Variants in NELL2 observed in about 807,000 individuals in gnomAD.
The protein encoded by NELL2 is protein kinase C-binding protein NELL2.
NELL2 carries 41 observed loss-of-function variants against 109.6 expected under a neutral mutation model. The observed-to-expected ratio is 0.37, with a 90% CI of 0.29 to 0.49. NELL2 has a LOEUF of 0.49. Ranked by LOEUF, NELL2 falls within the 20% of genes least tolerant of loss-of-function variation. The pLI is 0.98. For missense variants in NELL2, 900 were observed against 1,008.3 expected (o/e 0.89, Z 1.45); for synonymous variants, 355 against 344.7 (o/e 1.03, Z -0.33).
chr12:44,637,244 C>G (rs1946672566), intron 13 of NELL2, among the ~76,000 whole-genome samples: 1 of 151,412 alleles, frequency 6.6e-6, no homozygotes, highest in Non-Finnish European at 1.5e-5. Flanking sequence ...GTCTGTATCT[C>G]CTTCAGTTCA....
At chr12:44,756,321 TTC>T (rs961593533) in intron 9 of NELL2, among the ~76,000 whole-genome samples, 38 of 152,054 alleles carry the variant, frequency 2.5e-4, no homozygotes, top group African/African-American at 7.7e-4. Context: ...ATCTCTCATT[TTC>T]TCTCTCTTTT....
chr12:44,822,537 C>A (rs1329486792), intron 2 of NELL2, among the ~76,000 whole-genome samples: 1 of 152,146 alleles, frequency 6.6e-6, no homozygotes, highest in African/African-American at 2.4e-5. Flanking sequence ...GAAGCAGGGA[C>A]AAAGATCATT....
At chr12:44,910,027 A>G (rs766765423) in intron 1 of NELL2, among the ~76,000 whole-genome samples, 3 of 152,022 alleles carry the variant, frequency 2.0e-5, no homozygotes, top group Non-Finnish European at 4.4e-5. Flanking sequence ...AACTATAAGA[A>G]TCCTAGAAGA....
At chr12:44,876,631 G>GA, upstream of NELL2, 1 of 1,551,272 alleles carries the variant, frequency 6.4e-7, no homozygotes, top group South Asian at 1.2e-5. Flanking sequence ...CGCGTGTCTT[G>GA]AAAGACAGGA....
intron 13 of NELL2, among the ~76,000 whole-genome samples, chr12:44,644,613 T>A: frequency 1.1e-5 from 1 of 95,098 alleles, no homozygotes; most frequent in Non-Finnish European, 2.1e-5. Flanking sequence ...TGTATGTATA[T>A]ATATATATAT....
At chr12:44,768,109 G>A (rs1232535508) in intron 9 of NELL2, among the ~76,000 whole-genome samples, 1 of 152,088 alleles carries the variant, frequency 6.6e-6, no homozygotes. Context: ...GCTCTGCTAT[G>A]AGCTGACTAA....
At chr12:44,678,279 A>G (rs1948382677) in intron 12 of NELL2, among the ~76,000 whole-genome samples, 1 of 152,082 alleles carries the variant, frequency 6.6e-6, no homozygotes, top group Non-Finnish European at 1.5e-5. Flanking sequence ...GGAAACTCAA[A>G]TTTTCAGTGT....
At chr12:44,746,497 C>T (rs143705901) in intron 9 of NELL2, among the ~76,000 whole-genome samples, 21,823 of 152,148 alleles carry the variant, frequency 0.14, 1,696 homozygotes, top group East Asian at 0.24. Context: ...AAACTACCAT[C>T]AGAGTGAACA....
At chr12:44,631,665 A>G (rs1946461388) in intron 13 of NELL2, among the ~76,000 whole-genome samples, 1 of 152,060 alleles carries the variant, frequency 6.6e-6, no homozygotes, top group African/African-American at 2.4e-5. Flanking sequence ...CCTATTTTGT[A>G]CCCCATGAAT....
chr12:44,659,951 T>C (rs1947679161), intron 13 of NELL2, among the ~76,000 whole-genome samples: 1 of 152,198 alleles, frequency 6.6e-6, no homozygotes, highest in East Asian at 1.9e-4. Context: ...ATAGTGTAAT[T>C]TGAGGGGCCC....
intron 15 of NELL2, among the ~76,000 whole-genome samples, chr12:44,588,002 T>A (rs1053353114): frequency 2.0e-5 from 3 of 151,880 alleles, no homozygotes; most frequent in Non-Finnish European, 4.4e-5. Flanking sequence ...ATACAAAAAA[T>A]TAGCCAGGCG....
At chr12:44,669,688 A>T (rs552994601) in intron 12 of NELL2, among the ~76,000 whole-genome samples, 10 of 152,304 alleles carry the variant, frequency 6.6e-5, no homozygotes, top group Non-Finnish European at 5.9e-5. Flanking sequence ...GAAATAACTC[A>T]GTCAGACCAA....
At chr12:44,693,533 G>A (rs185360562) in intron 12 of NELL2, among the ~76,000 whole-genome samples, 181 of 152,156 alleles carry the variant, frequency 1.2e-3, no homozygotes, top group African/African-American at 4.2e-3. Context: ...AATTTAGAAC[G>A]GTTTCATCTT....
At chr12:44,523,593 T>C in intron 16 of NELL2, 109 bp from the exon 17 acceptor site, 1 of 850,328 alleles carries the variant, frequency 1.2e-6, no homozygotes, top group Admixed American at 2.5e-5. Flanking sequence ...TGTAAATTAA[T>C]TTTCATCTTA....
At chr12:44,654,073 G>A (rs1266961282) in intron 13 of NELL2, among the ~76,000 whole-genome samples, 1 of 152,102 alleles carries the variant, frequency 6.6e-6, no homozygotes, top group Non-Finnish European at 1.5e-5. Flanking sequence ...CCATACCCAG[G>A]TTTCAGCCAG....
chr12:44,650,394 A>G (rs1028284527), intron 13 of NELL2, among the ~76,000 whole-genome samples: 5 of 151,466 alleles, frequency 3.3e-5, no homozygotes, highest in Non-Finnish European at 7.4e-5. Context: ...CCCAGATTTA[A>G]GCAATTCTCT....
intron 12 of NELL2, among the ~76,000 whole-genome samples, chr12:44,687,466 A>C (rs1948763038): frequency 6.6e-6 from 1 of 152,196 alleles, no homozygotes; most frequent in South Asian, 2.1e-4. Flanking sequence ...TCTAGCTAAA[A>C]GGTTTTCCTG....
intron 10 of NELL2, 25 bp from the exon 11 acceptor site, chr12:44,711,419 C>A: frequency 6.3e-7 from 1 of 1,574,852 alleles, no homozygotes; most frequent in Non-Finnish European, 8.7e-7. Context: ...AAAAGAAGTG[C>A]TTCAAATTTT....
chr12:44,679,252 TGAA>T (rs1948419230), intron 12 of NELL2, among the ~76,000 whole-genome samples: 1 of 152,072 alleles, frequency 6.6e-6, no homozygotes, highest in African/African-American at 2.4e-5. Context: ...AGCAGGAGGA[TGAA>T]GAAGTTACTG....
Sources: allele counts gnomAD v4.1 joint callset (sites outside exome capture counted in the v4.1 genomes callset), GRCh38; gene constraint gnomAD v4.1.1; transcripts MANE v1.5; gene names NCBI Gene and HGNC (gene_info 2026-07-23, HGNC 2026-07-21).